MSI1: variants seen among roughly 807,000 people sequenced by gnomAD.
MSI1 encodes the protein musashi RNA binding protein 1, also known as RNA-binding protein Musashi homolog 1.
A neutral mutation model predicts 54.4 loss-of-function variants in MSI1; 15 were observed. The observed-to-expected ratio is 0.28, with a 90% CI of 0.18 to 0.42. The LOEUF is 0.42. MSI1 is among the 20% of genes least tolerant of loss of function. MSI1 has a pLI of 1.00. For synonymous variants in MSI1, 200 were observed against 196.5 expected (o/e 1.02, Z -0.15); for missense variants, 304 against 506.0 (o/e 0.60, Z 3.83).
chr12:120,363,416 G>C (rs1875814789), intron 5 of MSI1, among the ~76,000 whole-genome samples: 2 of 152,096 alleles, frequency 1.3e-5, no homozygotes, highest in Non-Finnish European at 2.9e-5. Flanking sequence ...CTAACACAGG[G>C]AAGGGGGCGG....
chr12:120,361,302 T>C (rs1333745194), intron 6 of MSI1: 3 of 152,308 alleles, frequency 2.0e-5, no homozygotes, highest in East Asian at 3.9e-4. Flanking sequence ...GACCCACAAA[T>C]GGATTCAGCC....
intron 10 of MSI1, among the ~76,000 whole-genome samples, chr12:120,352,309 G>A (rs1179438): frequency 6.6e-6 from 1 of 151,904 alleles, no homozygotes; most frequent in Non-Finnish European, 1.5e-5. Flanking sequence ...GTCCAGGCTC[G>A]GGTGTCTCTA....
chr12:120,348,481 G>C (rs1433414248), intron 11 of MSI1, among the ~76,000 whole-genome samples: 5 of 151,834 alleles, frequency 3.3e-5, no homozygotes, highest in Admixed American at 3.3e-4. Flanking sequence ...GCGGCCCCTT[G>C]TCCCCAACCA....
chr12:120,354,637 G>C (rs1000880557), intron 9 of MSI1, among the ~76,000 whole-genome samples: 1 of 152,010 alleles, frequency 6.6e-6, no homozygotes, highest in Non-Finnish European at 1.5e-5. Context: ...CTCCATGTTG[G>C]TCAGGCTGGT....
downstream of MSI1, among the ~76,000 whole-genome samples, chr12:120,340,280 T>C (rs1266012023): frequency 6.6e-6 from 1 of 151,654 alleles, no homozygotes; most frequent in Admixed American, 6.6e-5. Context: ...AGAGACGGGG[T>C]TTCATGTTGC....
At chr12:120,351,667 T>G (rs1874608640) in intron 10 of MSI1, among the ~76,000 whole-genome samples, 1 of 151,360 alleles carries the variant, frequency 6.6e-6, no homozygotes, top group Non-Finnish European at 1.5e-5. Context: ...AGGTGTTGGC[T>G]TGTTTCCTTC....
intron 4 of MSI1, among the ~76,000 whole-genome samples, chr12:120,365,098 A>T (rs1875931975): frequency 6.6e-6 from 1 of 151,934 alleles, no homozygotes. Context: ...TTTAGTAGAG[A>T]CGGGGTTTCA....
intron 11 of MSI1, among the ~76,000 whole-genome samples, chr12:120,348,341 C>T (rs1343590946): frequency 6.6e-6 from 1 of 152,142 alleles, no homozygotes; most frequent in South Asian, 2.1e-4. Flanking sequence ...TGGCTTGAGC[C>T]TGGGGCTCCC....
intron 5 of MSI1, 70 bp from the exon 6 acceptor site, chr12:120,363,205 G>T: frequency 7.4e-7 from 1 of 1,344,638 alleles, no homozygotes. Context: ...AGGGGCTCGA[G>T]CCCCCCTGCC....
chr12:120,359,485 G>A (rs549535832), intron 6 of MSI1, among the ~76,000 whole-genome samples: 1 of 152,286 alleles, frequency 6.6e-6, no homozygotes, highest in South Asian at 2.1e-4. Flanking sequence ...AAGGCCAGGA[G>A]GACAGCAACC....
intron 12 of MSI1, 145 bp downstream of exon 12, chr12:120,347,301 A>G (rs1874212412): frequency 1.9e-6 from 2 of 1,062,770 alleles, no homozygotes; most frequent in Non-Finnish European, 2.8e-6. Flanking sequence ...CACGATGCCC[A>G]GCACAGAGCA....
At position 120,368,914 on chromosome 12, in the gene MSI1, C is replaced by G; in HGVS notation, c.60-41G>C. 2 of 1,352,024 alleles carry G rather than the reference C, an allele frequency of 1.5e-6. No individual in the cohort carries two copies. The highest frequency in any genetic ancestry group is 1.9e-6 in the Non-Finnish European group (2 of 1,033,440). The allele number at this position is 1,352,024 out of a possible 1,614,324, so 83.8% of individuals were successfully genotyped here. On this transcript the variant is annotated intron_variant, in intron 1 of 14. Coordinates refer to ENST00000257552, the MANE Select transcript of MSI1 (RefSeq NM_002442.4). This position sits in a 1 kb window ranked among gnomAD's most constrained non-coding sequence, Gnocchi z 6.6. ...AGACACAAAGGGCCCGCGTGAGCGC[C>G]GGGCGCCAGGGCGCAGGGGGCGCGG...
chr12:120,358,046 A>G, intron 7 of MSI1, 148 bp from the exon 8 acceptor site: 1 of 671,108 alleles, frequency 1.5e-6, no homozygotes, highest in South Asian at 1.8e-5. Flanking sequence ...AATCCTCTCA[A>G]CTATCCACTG....
chr12:120,364,877 A>C, intron 4 of MSI1, 122 bp from the exon 5 acceptor site: 1 of 790,564 alleles, frequency 1.3e-6, no homozygotes, highest in Non-Finnish European at 2.0e-6. Flanking sequence ...GAAATCACAA[A>C]AGCCTCTAGG....
intron 4 of MSI1, among the ~76,000 whole-genome samples, chr12:120,365,390 A>G (rs1003179667): frequency 2.0e-5 from 3 of 152,212 alleles, no homozygotes; most frequent in Admixed American, 6.5e-5. Flanking sequence ...TATTGGAGAT[A>G]ATGCATACAA....
In MSI1 at chr12:120,342,596, G is replaced by T. The variant is rs540132676; in HGVS notation, c.*531C>A. The T allele has an allele frequency of 1.6e-3, 242 of 149,836 alleles. No homozygotes were observed. The highest frequency in any genetic ancestry group is 2.6e-3 in the Non-Finnish European group (175 of 67,596). The allele number at this position is 149,836 out of a possible 1,614,324, so 9.3% of individuals were successfully genotyped here. A position where few individuals can be genotyped will look rare whatever the true frequency, so the allele number is the denominator to read the frequency against. On this transcript the variant is annotated 3_prime_UTR_variant, in exon 15 of 15. Coordinates refer to ENST00000257552, the MANE Select transcript of MSI1 (RefSeq NM_002442.4). The stretch of plus-strand genomic sequence containing the variant: ...GGGGGCACCTGGCCCCTTGCCCCCT[G>T]CGGCCTGGGGCTTCACATTCACAAA...
downstream of MSI1, among the ~76,000 whole-genome samples, chr12:120,339,690 C>A (rs965491521): frequency 1.3e-5 from 2 of 152,050 alleles, no homozygotes; most frequent in Non-Finnish European, 2.9e-5. Flanking sequence ...GTGAAAGACC[C>A]CCAACCTGTA....
intron 6 of MSI1, among the ~76,000 whole-genome samples, 190 bp from the exon 7 acceptor site, chr12:120,359,243 A>G (rs1180138328): frequency 6.6e-6 from 1 of 152,034 alleles, no homozygotes; most frequent in Non-Finnish European, 1.5e-5. Context: ...CATCATCTCA[A>G]TGCACCAGCC....
chr12:120,354,651 G>A (rs1029706842), intron 9 of MSI1, among the ~76,000 whole-genome samples: 1 of 152,030 alleles, frequency 6.6e-6, no homozygotes, highest in Non-Finnish European at 1.5e-5. Flanking sequence ...GGCTGGTCTC[G>A]AACTCCCAAC....
Sources: allele counts gnomAD v4.1 joint callset (sites outside exome capture counted in the v4.1 genomes callset), GRCh38; gene constraint gnomAD v4.1.1; non-coding constraint Gnocchi (gnomAD v3.1); transcripts MANE v1.5; gene names NCBI Gene and HGNC (gene_info 2026-07-23, HGNC 2026-07-21).